ORC5: variants seen among roughly 807,000 people sequenced by gnomAD.
ORC5 encodes origin recognition complex subunit 5.
ORC5 carries 39 observed loss-of-function variants against 58.8 expected under a neutral mutation model. That is an observed-to-expected ratio of 0.66 (90% confidence interval 0.51 to 0.87). The LOEUF (loss-of-function observed/expected upper bound fraction) is 0.87. ORC5 is among the 40% of genes least tolerant of loss of function. ORC5 has a pLI of 0.00. For missense variants in ORC5, 493 were observed against 506.3 expected (o/e 0.97, Z 0.25); for synonymous variants, 218 against 177.6 (o/e 1.23, Z -1.81).
At chr7:104,152,282 G>A (rs1241221125) in intron 12 of ORC5, among the ~76,000 whole-genome samples, 1 of 151,936 alleles carries the variant, frequency 6.6e-6, no homozygotes. Flanking sequence ...AGAGTGGCTG[G>A]GATTACAATC....
intron 8 of ORC5, among the ~76,000 whole-genome samples, chr7:104,172,043 C>T (rs1411902487): frequency 6.6e-6 from 1 of 152,122 alleles, no homozygotes; most frequent in Non-Finnish European, 1.5e-5. Flanking sequence ...TTCTCTTTTC[C>T]TTTCAGTCTT....
intron 12 of ORC5, among the ~76,000 whole-genome samples, chr7:104,142,646 G>T (rs1798691298): frequency 6.6e-6 from 1 of 152,100 alleles, no homozygotes; most frequent in African/African-American, 2.4e-5. Flanking sequence ...AAAGTTAAAG[G>T]TCAAAGACAA....
At chr7:104,201,372 C>T (rs927782850) in intron 2 of ORC5, among the ~76,000 whole-genome samples, 2 of 152,112 alleles carry the variant, frequency 1.3e-5, no homozygotes, top group Admixed American at 1.3e-4. Context: ...GTGGTAAAGG[C>T]CCTGGTGTAC....
chr7:104,136,613 T>C lies in ORC5; in HGVS notation c.1262+168A>G, dbSNP rs1470565790. On this transcript the variant is annotated intron_variant, in intron 13 of 13. Coordinates refer to ENST00000297431, the MANE Select transcript of ORC5 (RefSeq NM_002553.4). The surrounding 1 kb of genome is among the most constrained non-coding windows in gnomAD (Gnocchi z 4.2). ...ACATATTAGCTATTTCTCCCAGTTT[T>C]ACATCATTTGTAAATTTGAGAAGGT... 2.0e-5 allele frequency among the ~76,000 whole-genome samples: 3 copies of C among 152,246 alleles called. No individual in the cohort carries two copies. The highest frequency in any genetic ancestry group is 7.2e-5 in the African/African-American group (3 of 41,460).
chr7:104,192,493 G>A (rs966302763), intron 5 of ORC5, among the ~76,000 whole-genome samples: 1 of 151,904 alleles, frequency 6.6e-6, no homozygotes, highest in Admixed American at 6.6e-5. Flanking sequence ...ATTAGCCCTG[G>A]AATAATGGCT....
At chr7:104,165,675 G>A (rs574456043) in intron 10 of ORC5, 22 of 180,562 alleles carry the variant, frequency 1.2e-4, no homozygotes, top group South Asian at 6.4e-4. Context: ...TTTTAGTTAA[G>A]CACAGTTCAC....
chr7:104,142,191 C>CA, intron 12 of ORC5, among the ~76,000 whole-genome samples: 1 of 152,034 alleles, frequency 6.6e-6, no homozygotes, highest in African/African-American at 2.4e-5. Flanking sequence ...TCCACATGCA[C>CA]AAAAAATAAA....
intron 1 of ORC5, among the ~76,000 whole-genome samples, chr7:104,207,227 C>CT (rs75159774): frequency 0.14 from 20,680 of 152,222 alleles, 1,740 homozygotes; most frequent in South Asian, 0.22. Flanking sequence ...ACGCTACCCT[C>CT]TGCCTATTGA....
chr7:104,195,891 G>A (rs1000813658), intron 4 of ORC5, among the ~76,000 whole-genome samples: 5 of 152,154 alleles, frequency 3.3e-5, no homozygotes, highest in African/African-American at 9.7e-5. Context: ...AATTGGTAAT[G>A]TTCTCATCTA....
chr7:104,165,462 G>C (rs190782639), intron 10 of ORC5, 180 bp from the exon 11 acceptor site: 8 of 436,886 alleles, frequency 1.8e-5, no homozygotes. Flanking sequence ...GGCCAATTTC[G>C]TTTAGACTTG....
chr7:104,199,059 T>C (rs1799868554), intron 3 of ORC5, among the ~76,000 whole-genome samples: 1 of 152,292 alleles, frequency 6.6e-6, no homozygotes, highest in South Asian at 2.1e-4. Flanking sequence ...TCAGAGGATG[T>C]ACAGAAATGC....
chr7:104,186,594 T>A (rs994677272), intron 6 of ORC5, among the ~76,000 whole-genome samples: 4 of 152,086 alleles, frequency 2.6e-5, no homozygotes, highest in African/African-American at 9.7e-5. Flanking sequence ...TACAGAAATA[T>A]CAATTCATAA....
intron 12 of ORC5, among the ~76,000 whole-genome samples, chr7:104,140,597 T>C (rs1798656571): frequency 6.6e-6 from 1 of 152,174 alleles, no homozygotes; most frequent in Non-Finnish European, 1.5e-5. Context: ...CTAGGTTCTC[T>C]GGGAGGAAAG....
intron 6 of ORC5, chr7:104,187,731 AT>A: frequency 1.0e-6 from 1 of 952,866 alleles, no homozygotes; most frequent in Non-Finnish European, 1.2e-6. Flanking sequence ...AAAAAAAAAA[AT>A]TAAAAAGAAC....
Position 104,129,355 on chromosome 7 carries a change from T to C in ORC5, c.1263-2462A>G, listed in dbSNP as rs1044292636. 2.0e-5 allele frequency among the ~76,000 whole-genome samples: 3 copies of C among 152,186 alleles called. No homozygotes were observed. The highest frequency in any genetic ancestry group is 4.4e-5 in the Non-Finnish European group (3 of 68,020). On this transcript the variant is annotated intron_variant, in intron 13 of 13. Transcript: ENST00000297431. This position sits in a 1 kb window ranked among gnomAD's most constrained non-coding sequence, Gnocchi z 4.9. ...CTTTCTGTACTTTGTCAGTGGTAAGTATTCATGCAAACTGAATCATAGTAA... is the reference window on the plus strand; with the variant it reads ...CTTTCTGTACTTTGTCAGTGGTAAGCATTCATGCAAACTGAATCATAGTAA...
At chr7:104,155,374 G>T (rs1798907615) in intron 12 of ORC5, among the ~76,000 whole-genome samples, 1 of 151,442 alleles carries the variant, frequency 6.6e-6, no homozygotes, top group Non-Finnish European at 1.5e-5. Flanking sequence ...CAGAAATTAG[G>T]TATTAATTAT....
rs370214401 is a variant in ORC5 at position 104,188,420 on chromosome 7, T to C, written c.554-39A>G. The C allele has an allele frequency of 1.1e-4, 177 of 1,540,910 alleles. 1 individual carries two copies. The highest frequency in any genetic ancestry group is 2.5e-4 in the South Asian group (21 of 84,464). The stretch of plus-strand genomic sequence containing the variant: ...ACAAAATAACTTATAATGATTAACA[T>C]AGTACACTAATCATATCTTCAAGCA... On this transcript the variant is annotated intron_variant, in intron 5 of 13. Coordinates refer to ENST00000297431, the MANE Select transcript of ORC5 (RefSeq NM_002553.4).
intron 5 of ORC5, among the ~76,000 whole-genome samples, chr7:104,194,649 A>G (rs1476224516): frequency 6.6e-6 from 1 of 152,152 alleles, no homozygotes; most frequent in African/African-American, 2.4e-5. Context: ...TAAGCGCAAC[A>G]TGGTACTTAA....
intron 8 of ORC5, among the ~76,000 whole-genome samples, chr7:104,179,598 A>G (rs1799393704): frequency 6.8e-6 from 1 of 146,536 alleles, no homozygotes; most frequent in Non-Finnish European, 1.5e-5. Context: ...TTTCACTTTG[A>G]ATTCTGAAAT....
Sources: gnomAD v4.1 joint callset for allele counts (sites outside exome capture counted in the v4.1 genomes callset) on GRCh38, gnomAD v4.1.1 for gene constraint, Gnocchi (gnomAD v3.1) non-coding constraint, MANE v1.5 for transcripts, NCBI Gene and HGNC (gene_info 2026-07-23, HGNC 2026-07-21) for gene names.